CSMD1: variants seen among roughly 807,000 people sequenced by gnomAD.
CSMD1 encodes the protein CUB and Sushi multiple domains 1.
Under a neutral mutation model 417.5 loss-of-function variants are expected in CSMD1, and 213 were observed. That is an observed-to-expected ratio of 0.51 (90% CI 0.46 to 0.57). The LOEUF is 0.57. Among genes scored for constraint, CSMD1 ranks in the 20% least tolerant of loss-of-function variants. The pLI, the probability that CSMD1 is intolerant of heterozygous loss-of-function variation, is 0.00. For missense variants in CSMD1, 6,923 were observed against 4,529.7 expected (o/e 1.53, Z -15.17); for synonymous variants, 2,862 against 1,736.8 (o/e 1.65, Z -16.11).
intron 30 of CSMD1, among the ~76,000 whole-genome samples, chr8:3,213,464 C>T (rs1305467939): frequency 4.6e-5 from 7 of 152,158 alleles, no homozygotes; most frequent in Admixed American, 4.6e-4. Flanking sequence ...TCCCACTCTT[C>T]CCAGTTCACA....
chr8:3,358,521 C>T (rs1298188048), intron 21 of CSMD1, among the ~76,000 whole-genome samples: 1 of 152,162 alleles, frequency 6.6e-6, no homozygotes, highest in African/African-American at 2.4e-5. Context: ...AAACGTCACC[C>T]CACTGGATCA....
intron 26 of CSMD1, among the ~76,000 whole-genome samples, chr8:3,282,911 C>A (rs972628675): frequency 6.6e-6 from 1 of 152,094 alleles, no homozygotes; most frequent in South Asian, 2.1e-4. Flanking sequence ...TGTGCAAATT[C>A]CACTTGTTTT....
At chr8:3,544,424 G>C (rs140301850) in intron 10 of CSMD1, among the ~76,000 whole-genome samples, 5 of 152,166 alleles carry the variant, frequency 3.3e-5, no homozygotes, top group African/African-American at 2.4e-5. Flanking sequence ...ACCTGGGATG[G>C]AGGCGTTCTT....
rs761117702 is a variant in CSMD1 at position 2,938,767 on chromosome 8, C to A, written c.10536-23G>T. Reference sequence around the variant, plus strand: ...GTTCTAAGGAAAACAGAAAACAAATCATTAGAATCCTGGTTTCATTTGCAG... The same window carrying A: ...GTTCTAAGGAAAACAGAAAACAAATAATTAGAATCCTGGTTTCATTTGCAG... On this transcript the variant is annotated intron_variant, in intron 69 of 69. Coordinates refer to ENST00000635120, the MANE Select transcript of CSMD1 (RefSeq NM_033225.6). The A allele has an allele frequency of 7.0e-6, 11 of 1,578,760 alleles. No homozygotes were observed. The East Asian group carries it at 2.1e-4, about 30-fold the overall frequency.
Position 3,537,670 on chromosome 8 carries a change from T to C in CSMD1, c.1344+37275A>G, listed in dbSNP as rs771114854. Among the ~76,000 whole-genome samples the C allele has an allele frequency of 6.9e-4, 105 of 152,346 alleles. No individual in the cohort carries two copies. In the Middle Eastern group the frequency reaches 0.01, roughly 15 times the overall value. On this transcript the variant is annotated intron_variant, in intron 10 of 69. Coordinates refer to ENST00000635120, the MANE Select transcript of CSMD1 (RefSeq NM_033225.6). ...ATTTATTTCAGGCAAATTACATATATTCATTTACAATACTTTGTATTTGCA... is the reference window on the plus strand; with the variant it reads ...ATTTATTTCAGGCAAATTACATATACTCATTTACAATACTTTGTATTTGCA...
intron 3 of CSMD1, among the ~76,000 whole-genome samples, chr8:4,141,989 T>C (rs1304700332): frequency 2.0e-5 from 3 of 150,984 alleles, no homozygotes; most frequent in Non-Finnish European, 4.4e-5. Context: ...TAAATTTCTC[T>C]CAACTTATAT....
intron 3 of CSMD1, among the ~76,000 whole-genome samples, chr8:4,398,387 TC>T (rs1193936850): frequency 0.028 from 3,536 of 127,790 alleles, 313 homozygotes; most frequent in African/African-American, 0.096. Context: ...TGCTGCAACT[TC>T]TTTTTTTTTT....
chr8:4,115,905 T>C (rs1440336857), intron 3 of CSMD1, among the ~76,000 whole-genome samples: 1 of 152,012 alleles, frequency 6.6e-6, no homozygotes, highest in Non-Finnish European at 1.5e-5. Flanking sequence ...GAAAGATCAG[T>C]GGTTGCCAGT....
intron 3 of CSMD1, among the ~76,000 whole-genome samples, chr8:4,142,894 A>G (rs1019658816): frequency 6.6e-6 from 1 of 151,178 alleles, no homozygotes; most frequent in Non-Finnish European, 1.5e-5. Flanking sequence ...AGCTGACAAC[A>G]CAATAGGAGA....
At chr8:3,593,967 T>C (rs985784983) in intron 8 of CSMD1, among the ~76,000 whole-genome samples, 2 of 152,206 alleles carry the variant, frequency 1.3e-5, no homozygotes, top group African/African-American at 4.8e-5. Context: ...GCTAAAAAGT[T>C]TTCTGGAAAC....
rs1003021151 is a variant in CSMD1 at position 4,967,090 on chromosome 8, T to A, written c.85+27242A>T. The stretch of plus-strand genomic sequence containing the variant: ...TTCAATTAGTCACTGATTTGAAATG[T>A]CTGAGCAGATAAATTTGTCTTAAAA... On this transcript the variant is annotated intron_variant, in intron 1 of 69. Coordinates refer to ENST00000635120, the MANE Select transcript of CSMD1 (RefSeq NM_033225.6). 2.0e-5 allele frequency among the ~76,000 whole-genome samples: 3 copies of A among 152,174 alleles called. No homozygotes were observed. The East Asian group carries it at 5.8e-4, about 29-fold the overall frequency.
intron 37 of CSMD1, among the ~76,000 whole-genome samples, chr8:3,172,605 A>G (rs1722076470): frequency 6.6e-6 from 1 of 152,104 alleles, no homozygotes; most frequent in African/African-American, 2.4e-5. Context: ...ATGTGAGTGG[A>G]GTGTGTATAA....
intron 50 of CSMD1, among the ~76,000 whole-genome samples, chr8:3,037,055 A>C (rs1222393928): frequency 6.6e-6 from 1 of 152,168 alleles, no homozygotes; most frequent in African/African-American, 2.4e-5. Context: ...CTCCCACTTA[A>C]AAGTGAGAAC....
chr8:4,198,137 G>C (rs542159600), intron 3 of CSMD1, among the ~76,000 whole-genome samples: 35 of 152,236 alleles, frequency 2.3e-4, no homozygotes, highest in Non-Finnish European at 4.4e-4. Flanking sequence ...TTTGAGTTGA[G>C]TCTTAAATGA....
chr8:4,340,650 C>T (rs781637358), intron 3 of CSMD1, among the ~76,000 whole-genome samples: 3 of 152,106 alleles, frequency 2.0e-5, no homozygotes, highest in Non-Finnish European at 4.4e-5. Flanking sequence ...GGAGCTTGGT[C>T]GTGAATTATA....
chr8:3,285,224 T>A (rs931688575), intron 25 of CSMD1, among the ~76,000 whole-genome samples: 2 of 152,200 alleles, frequency 1.3e-5, no homozygotes, highest in Non-Finnish European at 2.9e-5. Flanking sequence ...CTGCTTTGTT[T>A]TGCATATATT....
rs556304192 is a variant in CSMD1, at chr8:3,155,359, A to ATTTTTTTTTT, written c.5914+2528_5914+2537dup. Among the ~76,000 whole-genome samples the ATTTTTTTTTT allele has an allele frequency of 3.8e-3, 165 of 43,304 alleles. 43 individuals carry two copies. Among genetic ancestry groups the ATTTTTTTTTT allele is most frequent in the African/African-American group, 7.9e-3 (114 of 14,346 alleles). 28.4% of individuals were successfully genotyped at this position (43,304 alleles called of 152,430 possible). ...TTTTTCCTTCCAAATCAAGGCTGGGATTTTTTTTTTTTTTTTTTTTTTTTT... is the reference window on the plus strand; with the variant it reads ...TTTTTCCTTCCAAATCAAGGCTGGGATTTTTTTTTTTTTTTTTTTTTTTTTTTTTTTTTTT... On this transcript the variant is annotated intron_variant, in intron 39 of 69. Transcript: ENST00000635120.
chr8:4,957,562 C>T (rs550543927), intron 1 of CSMD1, among the ~76,000 whole-genome samples: 1 of 152,164 alleles, frequency 6.6e-6, no homozygotes, highest in South Asian at 2.1e-4. Context: ...ATATCAGTGT[C>T]TTTGTAGACA....
chr8:3,835,817 G>T (rs972455104), intron 5 of CSMD1, among the ~76,000 whole-genome samples: 1 of 151,526 alleles, frequency 6.6e-6, no homozygotes, highest in Non-Finnish European at 1.5e-5. Context: ...TAATTTTTCA[G>T]TCTAGGAGTT....
Sources: allele counts gnomAD v4.1 joint callset (sites outside exome capture counted in the v4.1 genomes callset), GRCh38; gene constraint gnomAD v4.1.1; transcripts MANE v1.5; gene names NCBI Gene and HGNC (gene_info 2026-07-23, HGNC 2026-07-21).